BAZ2B: variants seen among roughly 807,000 people sequenced by gnomAD.
The protein encoded by BAZ2B is bromodomain adjacent to zinc finger domain 2B, also known as bromodomain adjacent to zinc finger domain protein 2B.
In BAZ2B, 91 loss-of-function variants were observed where a neutral mutation model predicts 246.0. The observed-to-expected ratio is 0.37, with a 90% confidence interval of 0.31 to 0.44. The LOEUF (loss-of-function observed/expected upper bound fraction) is 0.44, where lower values mean the gene tolerates loss of function less well. Among genes scored for constraint, BAZ2B ranks in the 20% least tolerant of loss-of-function variants. BAZ2B has a pLI of 1.00. For missense variants in BAZ2B, 2,332 were observed against 2,533.7 expected (o/e 0.92, Z 1.71); for synonymous variants, 855 against 860.0 (o/e 0.99, Z 0.10).
At chr2:159,454,814 CTGAG>C (rs1262976814) in intron 3 of BAZ2B, among the ~76,000 whole-genome samples, 1 of 152,144 alleles carries the variant, frequency 6.6e-6, no homozygotes, top group African/African-American at 2.4e-5. Context: ...TTAGCTTTCT[CTGAG>C]TAAGACAATG....
downstream of BAZ2B, among the ~76,000 whole-genome samples, chr2:159,315,606 A>G (rs751510167): frequency 1.3e-5 from 2 of 152,228 alleles, no homozygotes; most frequent in Non-Finnish European, 2.9e-5. Flanking sequence ...AATCCAAGAG[A>G]ACAAGGCGGA....
chr2:159,667,865 C>A, the BAZ2B span, among the ~76,000 whole-genome samples: 1 of 151,896 alleles, frequency 6.6e-6, no homozygotes, highest in Non-Finnish European at 1.5e-5. Context: ...TCTATTATTG[C>A]TTGTTTTTAT....
intron 2 of BAZ2B, among the ~76,000 whole-genome samples, chr2:159,506,833 TC>T (rs1249398540): frequency 6.6e-6 from 1 of 152,106 alleles, no homozygotes; most frequent in Non-Finnish European, 1.5e-5. Context: ...GTAATTTGTG[TC>T]CTAGAGTGAA....
chr2:159,395,718 G>C (rs35509321), intron 20 of BAZ2B, 51 bp downstream of exon 20: 67 of 1,445,564 alleles, frequency 4.6e-5, no homozygotes, highest in Non-Finnish European at 5.9e-5. Context: ...CAATGCTTTA[G>C]GAAAAAGCAT....
At chr2:159,577,347 A>G (rs567893484) in intron 1 of BAZ2B, among the ~76,000 whole-genome samples, 4 of 152,356 alleles carry the variant, frequency 2.6e-5, no homozygotes, top group Admixed American at 2.6e-4. Context: ...TTTACAGGGA[A>G]GAGCATTTAC....
chr2:159,389,003 C>T (rs2149576505), intron 21 of BAZ2B, among the ~76,000 whole-genome samples: 1 of 152,224 alleles, frequency 6.6e-6, no homozygotes, highest in Non-Finnish European at 1.5e-5. Flanking sequence ...CCACTTGAGC[C>T]TGGGAACGAG....
At chr2:159,401,070 A>G (rs1657507217) in intron 16 of BAZ2B, among the ~76,000 whole-genome samples, 1 of 152,078 alleles carries the variant, frequency 6.6e-6, no homozygotes, top group African/African-American at 2.4e-5. Flanking sequence ...GTACAAAATT[A>G]CCAAAGGATG....
chr2:159,461,178 T>C (rs371529074), intron 3 of BAZ2B: 9 of 152,516 alleles, frequency 5.9e-5, no homozygotes, highest in African/African-American at 2.2e-4. Flanking sequence ...AGACATTACT[T>C]GTTTTTTTTT....
the BAZ2B span, among the ~76,000 whole-genome samples, chr2:159,665,257 G>A: frequency 8.2e-4 from 29 of 35,352 alleles, no homozygotes; most frequent in Middle Eastern, 0.013. Flanking sequence ...AATCAATATC[G>A]TGAAAATGGC....
At chr2:159,653,904 A>C in the BAZ2B span, among the ~76,000 whole-genome samples, 1 of 152,178 alleles carries the variant, frequency 6.6e-6, no homozygotes, top group Admixed American at 6.6e-5. Flanking sequence ...ATCTTCATCA[A>C]ATAGGAAATT....
At chr2:159,657,043 T>A in the BAZ2B span, among the ~76,000 whole-genome samples, 2 of 152,178 alleles carry the variant, frequency 1.3e-5, no homozygotes, top group African/African-American at 4.8e-5. Flanking sequence ...TTTGGTATTG[T>A]ATCTAAAAAT....
chr2:159,620,429 C>G (rs1364703), upstream of BAZ2B, among the ~76,000 whole-genome samples: 140,467 of 152,254 alleles, frequency 0.92, 65,285 homozygotes, highest in East Asian at 1. Flanking sequence ...GGTTGATGTA[C>G]AAAGTGTGAA....
At chr2:159,316,714 A>AAG (rs1553465951), downstream of BAZ2B, among the ~76,000 whole-genome samples, 5 of 149,794 alleles carry the variant, frequency 3.3e-5, no homozygotes, top group East Asian at 9.8e-4. Flanking sequence ...AAAAAAAAAA[A>AAG]AAAGAAAGAA....
intron 25 of BAZ2B, among the ~76,000 whole-genome samples, chr2:159,376,579 C>T (rs1010357879): frequency 6.6e-6 from 1 of 152,148 alleles, no homozygotes; most frequent in African/African-American, 2.4e-5. Flanking sequence ...CTCAACAACT[C>T]TTAAATCTTG....
At chr2:159,579,937 T>C (rs559651963) in intron 1 of BAZ2B, among the ~76,000 whole-genome samples, 41 of 152,260 alleles carry the variant, frequency 2.7e-4, no homozygotes, top group Admixed American at 1.0e-3. Context: ...TAAGAGATAT[T>C]TATGACAAAC....
intron 1 of BAZ2B, among the ~76,000 whole-genome samples, chr2:159,591,789 T>C (rs868272729): frequency 1.3e-5 from 2 of 152,198 alleles, no homozygotes; most frequent in African/African-American, 2.4e-5. Context: ...GTACTTTAAG[T>C]AATGCTTTTT....
chr2:159,348,872 T>C lies in BAZ2B; in HGVS notation c.5138-39A>G, dbSNP rs142781625. On this transcript the variant is annotated intron_variant, in intron 29 of 36. Coordinates refer to ENST00000392783, the MANE Select transcript of BAZ2B (RefSeq NM_013450.4). Reference sequence around the variant, plus strand: ...AATAAGTAGAACTTTTACAAATATTTTGAATAGGAAATGACACCATGGAAA... The same window carrying C: ...AATAAGTAGAACTTTTACAAATATTCTGAATAGGAAATGACACCATGGAAA... 346 of 1,569,450 alleles carry C rather than the reference T, an allele frequency of 2.2e-4. No individual in the cohort carries two copies. The Middle Eastern group carries it at 2.2e-3, about 10-fold the overall frequency.
intron 34 of BAZ2B, among the ~76,000 whole-genome samples, chr2:159,328,945 T>C (rs1195024873): frequency 6.6e-6 from 1 of 152,030 alleles, no homozygotes; most frequent in African/African-American, 2.4e-5. Flanking sequence ...TTGGCCAACA[T>C]GGCAAAACCC....
intron 33 of BAZ2B, 42 bp from the exon 34 acceptor site, chr2:159,332,728 T>A: frequency 6.3e-7 from 1 of 1,598,864 alleles, no homozygotes; most frequent in Middle Eastern, 1.7e-4. Context: ...CGCTCTGCCA[T>A]GAATAATAGT....
Sources: allele counts gnomAD v4.1 joint callset (sites outside exome capture counted in the v4.1 genomes callset), GRCh38; gene constraint gnomAD v4.1.1; transcripts MANE v1.5; gene names NCBI Gene and HGNC (gene_info 2026-07-23, HGNC 2026-07-21).